DGKG: variants seen among roughly 807,000 people sequenced by gnomAD.
DGKG encodes the protein DAG kinase gamma.
In DGKG, 78 loss-of-function variants were observed where a neutral mutation model predicts 105.3. The observed-to-expected ratio is 0.74, with a 90% confidence interval of 0.62 to 0.89. The LOEUF is 0.89. Ranked by LOEUF, DGKG falls within the 40% of genes least tolerant of loss-of-function variation. The pLI, the probability that DGKG is intolerant of heterozygous loss-of-function variation, is 0.00. For missense variants in DGKG, 958 were observed against 1,020.1 expected (o/e 0.94, Z 0.83); for synonymous variants, 346 against 367.1 (o/e 0.94, Z 0.66).
intron 19 of DGKG, among the ~76,000 whole-genome samples, chr3:186,242,892 T>C (rs972950963): frequency 5.9e-5 from 9 of 152,130 alleles, no homozygotes; most frequent in Admixed American, 5.9e-4. Flanking sequence ...CTGGGGAGAC[T>C]GAGAGTCTGT....
At chr3:186,356,638 C>T (rs891594211) in intron 1 of DGKG, among the ~76,000 whole-genome samples, 3 of 152,050 alleles carry the variant, frequency 2.0e-5, no homozygotes, top group African/African-American at 7.2e-5. Context: ...TGAAATTTTG[C>T]ACTTTATTCT....
chr3:186,150,247 G>A (rs1196122729), intron 24 of DGKG, 59 bp from the exon 25 acceptor site: 11 of 1,554,076 alleles, frequency 7.1e-6, no homozygotes, highest in Non-Finnish European at 9.6e-6. Context: ...GCCTAAGGGA[G>A]AGTGAGTCGC....
intron 12 of DGKG, among the ~76,000 whole-genome samples, 194 bp downstream of exon 12, chr3:186,268,607 C>A (rs546162128): frequency 7.3e-4 from 111 of 152,302 alleles, no homozygotes; most frequent in African/African-American, 2.7e-3. Flanking sequence ...TCGGGGGTGC[C>A]CTCTCTCTGG....
chr3:186,240,227 C>T (rs115406351), intron 20 of DGKG, among the ~76,000 whole-genome samples: 209 of 152,252 alleles, frequency 1.4e-3, no homozygotes, highest in African/African-American at 4.8e-3. Context: ...GTTCAGGCGT[C>T]TCTGTCATTG....
At chr3:186,300,237 G>A (rs1723857944) in intron 3 of DGKG, among the ~76,000 whole-genome samples, 1 of 152,130 alleles carries the variant, frequency 6.6e-6, no homozygotes, top group Non-Finnish European at 1.5e-5. Flanking sequence ...CTGCAAGTAT[G>A]TTAAATGTCC....
intron 21 of DGKG, among the ~76,000 whole-genome samples, chr3:186,209,834 G>A (rs774901544): frequency 7.2e-5 from 11 of 152,140 alleles, no homozygotes; most frequent in Non-Finnish European, 1.0e-4. Context: ...CAGAAATGGT[G>A]CCTGCCCCAA....
Position 186,148,685 on chromosome 3 carries a change from A to G in DGKG, c.*1405T>C, listed in dbSNP as rs755701280. 26 of 984,656 alleles carry G rather than the reference A, an allele frequency of 2.6e-5. No homozygotes were observed. Among genetic ancestry groups the G allele is most frequent in the Non-Finnish European group, 2.8e-5 (23 of 829,484 alleles). The allele number at this position is 984,656 out of a possible 1,614,324, so 61.0% of individuals were successfully genotyped here. A position where few individuals can be genotyped will look rare whatever the true frequency, so the allele number is the denominator to read the frequency against. ...AGTCTCTGAACTTTTCTGAGACTCA[A>G]TTTTCTTATCTGACAAATGGGAGAG... On this transcript the variant is annotated 3_prime_UTR_variant, in exon 25 of 25. Coordinates refer to ENST00000265022, the MANE Select transcript of DGKG (RefSeq NM_001346.3).
chr3:186,350,271 C>A (rs886730170), intron 1 of DGKG, among the ~76,000 whole-genome samples: 2 of 152,298 alleles, frequency 1.3e-5, no homozygotes, highest in Admixed American at 1.3e-4. Flanking sequence ...CACACCCTGG[C>A]AGCTATCATT....
chr3:186,295,432 G>T (rs1723502767), intron 5 of DGKG, among the ~76,000 whole-genome samples: 1 of 151,780 alleles, frequency 6.6e-6, no homozygotes, highest in Non-Finnish European at 1.5e-5. Context: ...AACCAGGGAG[G>T]CGGAGGTCTC....
intron 22 of DGKG, among the ~76,000 whole-genome samples, chr3:186,183,473 A>T (rs377243986): frequency 1.6e-4 from 24 of 147,826 alleles, no homozygotes; most frequent in East Asian, 1.2e-3. Flanking sequence ...AGCAAATTCC[A>T]TATGCTTCTC....
chr3:186,252,997 G>T, intron 18 of DGKG, 96 bp downstream of exon 18: 2 of 1,033,458 alleles, frequency 1.9e-6, no homozygotes, highest in Non-Finnish European at 3.0e-6. Context: ...TGCGGAATGT[G>T]ATCCATAAAA....
rs142261584 is a variant in DGKG, at chr3:186,320,426, C to T, written c.34G>A (p.Glu12Lys). The stretch of plus-strand genomic sequence containing the variant: ...TATTTCTGGAGTTGGTCAAATTCTT[C>T]TGGAGTGAGGGAGACCCACCGTTCT... Reference protein sequence around the residue: ...GEERWVSLTPEEFDQLQKYSE... With the variant: ...GEERWVSLTPKEFDQLQKYSE... The change falls in exon 2 of 25, where the codon GAA becomes AAA. Residue 12 changes from glutamate (E) to lysine (K), a missense_variant. By Grantham distance (56) the Glu-to-Lys change is moderately conservative. Transcript: ENST00000265022. The T allele has an allele frequency of 6.8e-5, 109 of 1,614,014 alleles. 2 individuals are homozygous for T. Among genetic ancestry groups the T allele is most frequent in the Middle Eastern group, 3.3e-4 (2 of 6,084 alleles).
intron 3 of DGKG, among the ~76,000 whole-genome samples, chr3:186,302,218 T>C (rs1192484889): frequency 6.6e-6 from 1 of 151,958 alleles, no homozygotes; most frequent in Non-Finnish European, 1.5e-5. Flanking sequence ...CTCCTGGAAG[T>C]AGTGAGAATG....
chr3:186,249,832 A>AAAAAC (rs10693756), intron 19 of DGKG, among the ~76,000 whole-genome samples: 8,789 of 151,844 alleles, frequency 0.058, 824 homozygotes, highest in African/African-American at 0.2. Context: ...GACTCGTCTC[A>AAAAAC]AAAACAAAAC....
chr3:186,161,094 C>T, intron 24 of DGKG: 1 of 987,076 alleles, frequency 1.0e-6, no homozygotes, highest in Non-Finnish European at 1.2e-6. Flanking sequence ...TTTGGGTGCA[C>T]CGACTGGGAG....
chr3:186,225,896 A>C (rs965112712), intron 20 of DGKG, among the ~76,000 whole-genome samples: 2 of 152,228 alleles, frequency 1.3e-5, no homozygotes, highest in East Asian at 1.9e-4. Flanking sequence ...GTCCTAATAC[A>C]TGTCTGATTT....
intron 20 of DGKG, among the ~76,000 whole-genome samples, chr3:186,215,299 G>A (rs554462133): frequency 6.6e-5 from 10 of 151,842 alleles, no homozygotes; most frequent in African/African-American, 2.4e-4. Flanking sequence ...TAATCCCAGC[G>A]GCTTGGGAAG....
At chr3:186,261,617 C>T in intron 15 of DGKG, 82 bp downstream of exon 15, 2 of 990,934 alleles carry the variant, frequency 2.0e-6, no homozygotes, top group Non-Finnish European at 3.1e-6. Context: ...GTCTCCACAG[C>T]CTGCTGTGTT....
chr3:186,150,170 T>A lies in DGKG; in HGVS notation c.2296A>T (p.Asn766Tyr). 1 of 1,612,876 alleles carries A rather than the reference T, an allele frequency of 6.2e-7. No individual in the cohort carries two copies. Among genetic ancestry groups the A allele is most frequent in the South Asian group, 1.1e-5 (1 of 90,792 alleles). The change falls in exon 25 of 25, where the codon AAC becomes TAC. Residue 766 changes from asparagine to tyrosine, a missense_variant. Transcript: ENST00000265022. ...PCCTIKITHK[N>Y]QAPMMMGPPQ... ...GGCCCCATCATCATGGGCGCTTGGT[T>A]CTTGTGAGTAATTTTAATCTAAAAG...
Sources: gnomAD v4.1 joint callset for allele counts (sites outside exome capture counted in the v4.1 genomes callset) on GRCh38, gnomAD v4.1.1 for gene constraint, MANE v1.5 for transcripts, NCBI Gene and HGNC (gene_info 2026-07-23, HGNC 2026-07-21) for gene names.